ZZZ3: variants seen among roughly 807,000 people sequenced by gnomAD.
ZZZ3 encodes the protein ZZ-type zinc finger-containing protein 3.
Under a neutral mutation model 95.2 loss-of-function variants are expected in ZZZ3, and 22 were observed. That is an observed-to-expected ratio of 0.23 (90% CI 0.17 to 0.33). The LOEUF is 0.33. ZZZ3 is among the 10% of genes least tolerant of loss of function. The pLI, the probability that ZZZ3 is intolerant of heterozygous loss-of-function variation, is 1.00. For missense variants in ZZZ3, 885 were observed against 1,066.5 expected, an observed-to-expected ratio of 0.83 and a Z score of 2.37; for synonymous variants, 335 against 358.9, an observed-to-expected ratio of 0.93 and a Z score of 0.75.
chr1:77,608,722 TAA>T (rs1183778845), intron 5 of ZZZ3, among the ~76,000 whole-genome samples: 2 of 151,968 alleles, frequency 1.3e-5, no homozygotes, highest in East Asian at 3.8e-4. Context: ...TATGAAACAA[TAA>T]AAAGTTAAAA....
At chr1:77,646,301 C>A (rs1017640538) in intron 1 of ZZZ3, among the ~76,000 whole-genome samples, 36 of 152,106 alleles carry the variant, frequency 2.4e-4, no homozygotes, top group African/African-American at 8.2e-4. Context: ...CTCACTGCAG[C>A]CTTCGACCTC....
At chr1:77,607,814 G>A (rs1665397696) in intron 5 of ZZZ3, among the ~76,000 whole-genome samples, 1 of 151,840 alleles carries the variant, frequency 6.6e-6, no homozygotes, top group African/African-American at 2.4e-5. Context: ...CCCAGCTGTG[G>A]GAGGCTGACG....
chr1:77,577,911 G>A (rs1402410415), intron 11 of ZZZ3, among the ~76,000 whole-genome samples: 1 of 152,126 alleles, frequency 6.6e-6, no homozygotes, highest in Admixed American at 6.5e-5. Flanking sequence ...GAGCCACCGT[G>A]CCCGGCCGAA....
chr1:77,632,023 A>C lies in ZZZ3; in HGVS notation c.1332T>G (p.Ser444=), dbSNP rs747311610. The C allele has an allele frequency of 6.2e-7, 1 of 1,614,086 alleles. No homozygotes were observed. Among genetic ancestry groups the C allele is most frequent in the South Asian group, 1.1e-5 (1 of 91,064 alleles). The part of the protein sequence containing the change: ...SQNEKGICCD[S]QNNGSEGVSK... ...TTACTCCTTCACTTCCATTATTTTG[A>C]GAGTCACAACATATCCCTTTTTCAT... Residue 444 remains serine (S), a synonymous_variant, in exon 5 of 15, where the codon TCT becomes TCG. Transcript: ENST00000370801.
rs768905127 is a variant in ZZZ3 at position 77,566,168 on chromosome 1, C to G, written c.2480G>C (p.Gly827Ala). The change falls in exon 14 of 15, where the codon GGC becomes GCC. Residue 827 changes from glycine to alanine, a missense_variant. Around this residue, in one of 5 missense-constraint regions of ZZZ3, gnomAD observed 221 missense variants for 247.8 expected, o/e 0.89. Transcript: ENST00000370801. Reference protein sequence around the residue: ...QHVGFKCDNCGIEPIQGVRWH... With the variant: ...QHVGFKCDNCAIEPIQGVRWH... ...CCGAACACCCTGGATGGGTTCTATGCCACAGTTATCACACTATAACAGATT... is the reference window on the plus strand; with the variant it reads ...CCGAACACCCTGGATGGGTTCTATGGCACAGTTATCACACTATAACAGATT... 3.2e-5 allele frequency: 52 copies of G among 1,610,246 alleles called. No homozygotes were observed. Among genetic ancestry groups the G allele is most frequent in the African/African-American group, 1.3e-5 (1 of 74,820 alleles).
At chr1:77,655,737 T>A (rs559834162) in intron 1 of ZZZ3, among the ~76,000 whole-genome samples, 1 of 152,206 alleles carries the variant, frequency 6.6e-6, no homozygotes, top group Admixed American at 6.5e-5. Flanking sequence ...TGACATCATT[T>A]AAACGTACTG....
chr1:77,669,107 G>C (rs541894898), intron 1 of ZZZ3, among the ~76,000 whole-genome samples: 4 of 151,794 alleles, frequency 2.6e-5, no homozygotes, highest in Non-Finnish European at 5.9e-5. Flanking sequence ...AGCTTGTAGA[G>C]ATAAAGCTCT....
At chr1:77,576,666 T>C (rs966853347) in intron 11 of ZZZ3, among the ~76,000 whole-genome samples, 1 of 152,136 alleles carries the variant, frequency 6.6e-6, no homozygotes, top group African/African-American at 2.4e-5. Context: ...ATTGATTGAC[T>C]GCTTATTCTA....
In ZZZ3 at chr1:77,632,379, C is replaced by T. The variant is rs762712221; in HGVS notation, c.976G>A (p.Ala326Thr). ...EEVDVVGDSS[A>T]SKEQCKENTN... ...TTTTCTTTACACTGCTCTTTTGAGG[C>T]ACTGCTATCTCCCACCACATCTACT... is the stretch of plus-strand genomic sequence containing the variant. The change falls in exon 5 of 15, where the codon GCC becomes ACC. Residue 326 changes from alanine to threonine, a missense_variant. By Grantham distance (58) the Ala-to-Thr change is moderately conservative. This residue lies in a region of ZZZ3 where 556 missense variants were observed against 652.9 expected (regional missense o/e 0.85). Transcript: ENST00000370801. 4.3e-6 allele frequency: 7 copies of T among 1,614,026 alleles called. No individual in the cohort carries two copies. In the Admixed American group the frequency reaches 8.3e-5, roughly 19 times the overall value.
chr1:77,603,387 T>C (rs1664930888), intron 5 of ZZZ3, among the ~76,000 whole-genome samples: 1 of 152,196 alleles, frequency 6.6e-6, no homozygotes, highest in African/African-American at 2.4e-5. Flanking sequence ...CCCCAACTAT[T>C]AATACAATAG....
intron 12 of ZZZ3, 39 bp downstream of exon 12, chr1:77,576,029 T>G (rs1452855044): frequency 4.0e-6 from 6 of 1,515,766 alleles, no homozygotes; most frequent in Non-Finnish European, 5.3e-6. Flanking sequence ...CTCTCTTCTA[T>G]ACCTTGATGT....
intron 1 of ZZZ3, chr1:77,676,913 T>C (rs1672318729): frequency 2.0e-5 from 3 of 152,134 alleles, no homozygotes; most frequent in South Asian, 4.1e-4. Flanking sequence ...TTCACACCAA[T>C]GCCAGATGAG....
At chr1:77,648,139 C>T (rs949704644) in intron 1 of ZZZ3, among the ~76,000 whole-genome samples, 1 of 151,910 alleles carries the variant, frequency 6.6e-6, no homozygotes, top group Non-Finnish European at 1.5e-5. Flanking sequence ...TGGGTGATTG[C>T]TTGAGCCCAG....
At chr1:77,568,585 G>A (rs763610767) in intron 12 of ZZZ3, 119 bp from the exon 13 acceptor site, 85 of 485,714 alleles carry the variant, frequency 1.7e-4, no homozygotes, top group Non-Finnish European at 2.2e-4. Flanking sequence ...ATATCTCTTA[G>A]TACTCATAGA....
At chr1:77,644,945 G>A (rs540537722) in intron 1 of ZZZ3, among the ~76,000 whole-genome samples, 1 of 152,240 alleles carries the variant, frequency 6.6e-6, no homozygotes, top group South Asian at 2.1e-4. Context: ...TGTTCGGGCT[G>A]GGCACAATGG....
intron 5 of ZZZ3, among the ~76,000 whole-genome samples, chr1:77,621,881 T>C (rs1666903299): frequency 6.6e-6 from 1 of 152,132 alleles, no homozygotes; most frequent in South Asian, 2.1e-4. Context: ...TATTGTAATC[T>C]TAACTGACAT....
At chr1:77,668,436 A>G (rs1671443505) in intron 1 of ZZZ3, among the ~76,000 whole-genome samples, 1 of 152,164 alleles carries the variant, frequency 6.6e-6, no homozygotes, top group Admixed American at 6.5e-5. Flanking sequence ...AACTTCTCTG[A>G]GCCTCTGTTT....
At chr1:77,655,074 G>T (rs1243115767) in intron 1 of ZZZ3, among the ~76,000 whole-genome samples, 2 of 152,190 alleles carry the variant, frequency 1.3e-5, no homozygotes, top group Non-Finnish European at 2.9e-5. Context: ...GCATCACAAG[G>T]TGAGAAGGCT....
At chr1:77,618,296 G>A (rs774306977) in intron 5 of ZZZ3, among the ~76,000 whole-genome samples, 28 of 123,236 alleles carry the variant, frequency 2.3e-4, no homozygotes, top group African/African-American at 5.2e-4. Flanking sequence ...TTGATAATTC[G>A]GCCAGGGATG....
Sources: gnomAD v4.1 joint callset for allele counts (sites outside exome capture counted in the v4.1 genomes callset) on GRCh38, gnomAD v4.1.1 for gene constraint, gnomAD v4.1.1 regional missense constraint, MANE v1.5 for transcripts, NCBI Gene and HGNC (gene_info 2026-07-23, HGNC 2026-07-21) for gene names.